The following MALL variants were observed in gnomAD, a reference collection of about 807,000 sequenced individuals.
The protein encoded by MALL is MAL-like protein.
Under a neutral mutation model 10.3 loss-of-function variants are expected in MALL, and 2 were observed. That is an observed-to-expected ratio of 0.19 (90% CI 0.08 to 0.61). The LOEUF (loss-of-function observed/expected upper bound fraction) is 0.61, where lower values mean the gene tolerates loss of function less well. MALL is among the 20% of genes least tolerant of loss of function. MALL has a pLI of 0.88. For synonymous variants in MALL, 27 were observed against 51.8 expected (o/e 0.52, Z 2.05); for missense variants, 39 against 115.2 (o/e 0.34, Z 3.03).
rs541707879 is a variant in MALL, at chr2:110,109,152, C to T, written c.105+6536G>A. ...TACAAATTAAAAAGCAAAAACATAA[C>T]CAAAGTAGACAGGCAACAAAGAGCA... On this transcript the variant is annotated intron_variant, in intron 1 of 3. Coordinates refer to ENST00000272462, the MANE Select transcript of MALL (RefSeq NM_005434.5). 4.9e-4 allele frequency among the ~76,000 whole-genome samples: 75 copies of T among 152,026 alleles called. 1 individual carries two copies. The highest frequency in any genetic ancestry group is 1.8e-3 in the African/African-American group (73 of 41,506).
At chr2:110,112,945 G>T (rs1247740516) in intron 1 of MALL, among the ~76,000 whole-genome samples, 1 of 151,134 alleles carries the variant, frequency 6.6e-6, no homozygotes, top group Non-Finnish European at 1.5e-5. Flanking sequence ...AAAAAGGAAT[G>T]AATTAACAGC....
upstream of MALL, among the ~76,000 whole-genome samples, chr2:110,117,585 C>T (rs1392303182): frequency 1.1e-5 from 1 of 89,294 alleles, no homozygotes; most frequent in Non-Finnish European, 2.2e-5. Flanking sequence ...AGGACCAAAG[C>T]AATGTGTGTG....
intron 1 of MALL, among the ~76,000 whole-genome samples, chr2:110,105,433 G>A (rs1350791721): frequency 6.6e-6 from 1 of 152,142 alleles, no homozygotes; most frequent in Non-Finnish European, 1.5e-5. Flanking sequence ...ATTCCAACGG[G>A]ACCCCATGGT....
At chr2:110,114,078 A>G (rs1029010314) in intron 1 of MALL, among the ~76,000 whole-genome samples, 3 of 151,606 alleles carry the variant, frequency 2.0e-5, no homozygotes, top group Non-Finnish European at 4.4e-5. Flanking sequence ...GGCCAACATG[A>G]CCTCTCATGT....
chr2:110,103,113 T>TGGGGATCCCACTGAGACTGTACTC (rs1678609381), intron 1 of MALL, among the ~76,000 whole-genome samples: 1 of 152,152 alleles, frequency 6.6e-6, no homozygotes, highest in Non-Finnish European at 1.5e-5. Context: ...CCCCTCTGGA[T>TGGGGATCCCACTGAGACTGTACTC]GGGGATCCCA....
intron 1 of MALL, among the ~76,000 whole-genome samples, chr2:110,112,336 T>C (rs1410380646): frequency 6.6e-6 from 1 of 152,134 alleles, no homozygotes; most frequent in African/African-American, 2.4e-5. Context: ...TCTGTACATC[T>C]GACAAAGGTC....
intron 1 of MALL, among the ~76,000 whole-genome samples, chr2:110,109,921 T>G (rs150314282): frequency 0.017 from 2,583 of 152,192 alleles, 50 homozygotes; most frequent in South Asian, 0.031. Context: ...AAAAGGAATC[T>G]TCAAAACCAT....
At chr2:110,097,361 C>A in intron 1 of MALL, 1 of 421,746 alleles carries the variant, frequency 2.4e-6, no homozygotes, top group South Asian at 1.8e-5. Flanking sequence ...GGACCCTGTT[C>A]ACGTTTAAAC....
upstream of MALL, among the ~76,000 whole-genome samples, chr2:110,118,075 T>C (rs796425147): frequency 2.0e-4 from 30 of 152,186 alleles, no homozygotes; most frequent in African/African-American, 7.0e-4. Context: ...TGCTCCTTTT[T>C]TTTTTTTTCT....
Position 110,104,964 on chromosome 2 carries a change from C to T in MALL, c.105+10724G>A, listed in dbSNP as rs535482409. Among the ~76,000 whole-genome samples, 92 of 152,294 alleles carry T rather than the reference C, an allele frequency of 6.0e-4. 1 individual carries two copies. The highest frequency in any genetic ancestry group is 2.3e-3 in the Admixed American group (35 of 15,302). ...GCTTTCTAGTAAGAGGTCCAATGAC[C>T]GCCAATGCTAAAGTAGTATGGGCTG... is the stretch of plus-strand genomic sequence containing the variant. On this transcript the variant is annotated intron_variant, in intron 1 of 3. Transcript: ENST00000272462.
At chr2:110,113,984 C>G (rs920989768) in intron 1 of MALL, among the ~76,000 whole-genome samples, 1 of 152,030 alleles carries the variant, frequency 6.6e-6, no homozygotes, top group East Asian at 1.9e-4. Context: ...CCCTCACCCC[C>G]CACAACACGT....
chr2:110,102,118 T>C (rs935479886), intron 1 of MALL, among the ~76,000 whole-genome samples: 4 of 152,080 alleles, frequency 2.6e-5, no homozygotes, highest in African/African-American at 9.7e-5. Context: ...TCAGGGGAAG[T>C]CCCCATACCC....
intron 1 of MALL, among the ~76,000 whole-genome samples, chr2:110,105,453 A>T (rs1678667030): frequency 6.6e-6 from 1 of 152,196 alleles, no homozygotes; most frequent in South Asian, 2.1e-4. Flanking sequence ...TCCCACGGGC[A>T]CAGAGGTTGG....
intron 1 of MALL, among the ~76,000 whole-genome samples, chr2:110,105,849 G>T (rs189131208): frequency 6.6e-6 from 1 of 152,144 alleles, no homozygotes; most frequent in Non-Finnish European, 1.5e-5. Context: ...GGGGGCTCCC[G>T]GGAAGCCCCT....
intron 1 of MALL, among the ~76,000 whole-genome samples, chr2:110,112,476 A>G (rs1276548701): frequency 1.3e-5 from 2 of 152,148 alleles, no homozygotes; most frequent in African/African-American, 4.8e-5. Flanking sequence ...AACAAACATG[A>G]AAAAATGCTC....
rs538702773 is a variant in MALL at position 110,109,920 on chromosome 2, C to G, written c.105+5768G>C. Among the ~76,000 whole-genome samples, 77 of 152,228 alleles carry G rather than the reference C, an allele frequency of 5.1e-4. 1 individual carries two copies. The highest frequency in any genetic ancestry group is 1.8e-3 in the African/African-American group (75 of 41,580). On this transcript the variant is annotated intron_variant, in intron 1 of 3. Coordinates refer to ENST00000272462, the MANE Select transcript of MALL (RefSeq NM_005434.5). ...ACTGGAAATCAACTCCAAAAGGAAT[C>G]TTCAAAACCATTCAAATACATGGAA...
rs1254931329 is a variant in MALL at position 110,115,671 on chromosome 2, G to T, written c.105+17C>A. On this transcript the variant is annotated intron_variant, in intron 1 of 3. Coordinates refer to ENST00000272462, the MANE Select transcript of MALL (RefSeq NM_005434.5). Reference sequence around the variant, plus strand: ...TCCCTCTCTGCAGGTGGCCCGGGTCGGGGGTGCCGCACTCACCAGCTCGGG... The same window carrying T: ...TCCCTCTCTGCAGGTGGCCCGGGTCTGGGGTGCCGCACTCACCAGCTCGGG... The T allele has an allele frequency of 6.4e-5, 81 of 1,258,066 alleles. No individual in the cohort carries two copies. Among genetic ancestry groups the T allele is most frequent in the Non-Finnish European group, 8.0e-5 (79 of 991,150 alleles). 77.9% of individuals were successfully genotyped at this position (1,258,066 alleles called of 1,614,324 possible). A position where few individuals can be genotyped will look rare whatever the true frequency, so the allele number is the denominator to read the frequency against.
intron 1 of MALL, among the ~76,000 whole-genome samples, chr2:110,112,739 A>G (rs1478493166): frequency 6.6e-6 from 1 of 152,052 alleles, no homozygotes; most frequent in Non-Finnish European, 1.5e-5. Flanking sequence ...CTCAGTATCA[A>G]TCCAGAGGAA....
intron 1 of MALL, among the ~76,000 whole-genome samples, chr2:110,103,620 G>A (rs560020363): frequency 2.6e-5 from 4 of 152,200 alleles, no homozygotes; most frequent in African/African-American, 4.8e-5. Flanking sequence ...TCTAGGGCTC[G>A]CCCTGGGTCC....
Sources: allele counts gnomAD v4.1 joint callset (sites outside exome capture counted in the v4.1 genomes callset), GRCh38; gene constraint gnomAD v4.1.1; transcripts MANE v1.5; gene names NCBI Gene and HGNC (gene_info 2026-07-23, HGNC 2026-07-21).